OPRM1: variants seen among roughly 807,000 people sequenced by gnomAD.
OPRM1 encodes opioid receptor mu 1.
OPRM1 carries 27 observed loss-of-function variants against 31.8 expected under a neutral mutation model. The observed-to-expected ratio is 0.85, with a 90% CI of 0.63 to 1.17. The LOEUF (loss-of-function observed/expected upper bound fraction) is 1.17, where lower values mean the gene tolerates loss of function less well. Ranked by LOEUF, OPRM1 falls within the 50% of genes most tolerant of loss-of-function variation. The pLI is 0.00. For missense variants in OPRM1, 536 were observed against 511.1 expected (o/e 1.05, Z -0.47); for synonymous variants, 196 against 189.9 (o/e 1.03, Z -0.26).
At chr6:154,170,615 C>A (rs1314105547) in intron 3 of OPRM1, among the ~76,000 whole-genome samples, 1 of 152,242 alleles carries the variant, frequency 6.6e-6, no homozygotes, top group African/African-American at 2.4e-5. Flanking sequence ...AAAACTACAT[C>A]TGAAGACAAT....
In OPRM1 at chr6:154,126,609, G is replaced by A. The variant is rs974237892; in HGVS notation, c.*7888G>A. 6.6e-6 allele frequency among the ~76,000 whole-genome samples: 1 copy of A among 152,114 alleles called. No homozygotes were observed. The highest frequency in any genetic ancestry group is 2.4e-5 in the African/African-American group (1 of 41,404). On this transcript the variant is annotated 3_prime_UTR_variant, in exon 4 of 4. Transcript: ENST00000330432. ...GGTGGCAATGTCACCACCCTACACT[G>A]CTGTGACACCGAAACAACCAAGCCT...
chr6:154,019,914 T>G, intron 1 of OPRM1, among the ~76,000 whole-genome samples: 1 of 151,932 alleles, frequency 6.6e-6, no homozygotes, highest in East Asian at 1.9e-4. Flanking sequence ...TTGTATTTTT[T>G]GTAGAGATGG....
intron 3 of OPRM1, among the ~76,000 whole-genome samples, chr6:154,173,079 G>A (rs184948376): frequency 2.3e-4 from 35 of 152,346 alleles, no homozygotes; most frequent in African/African-American, 8.2e-4. Context: ...TGAGGGTCCT[G>A]TCTGTTACAA....
Position 154,040,686 on chromosome 6 carries a change from C to T in OPRM1, c.290+852C>T, listed in dbSNP as rs142773940. On this transcript the variant is annotated intron_variant, in intron 1 of 3. Coordinates refer to ENST00000330432, the MANE Select transcript of OPRM1 (RefSeq NM_000914.5). ...AAGCATCATAATTCCACATTAGAAA[C>T]TGCAGAAACTCTTATACAGGAAGTT... Among the ~76,000 whole-genome samples the T allele has an allele frequency of 5.7e-3, 864 of 152,300 alleles. 6 individuals carry two copies. Among genetic ancestry groups the T allele is most frequent in the African/African-American group, 0.02 (822 of 41,570 alleles).
intron 3 of OPRM1, among the ~76,000 whole-genome samples, chr6:154,222,779 A>C (rs1031583351): frequency 6.6e-6 from 1 of 152,226 alleles, no homozygotes; most frequent in East Asian, 1.9e-4. Context: ...CCATGAACTA[A>C]GAAAGAAAAG....
intron 3 of OPRM1, among the ~76,000 whole-genome samples, chr6:154,109,792 C>CTCTCTGTGTGTG (rs1358444421): frequency 1.8e-4 from 18 of 101,280 alleles, no homozygotes; most frequent in African/African-American, 6.1e-4. Context: ...CTCTCTCTCT[C>CTCTCTGTGTGTG]TGTGTGTGTG....
rs1213248263 is a variant in OPRM1 at position 154,168,994 on chromosome 6, T to C, written c.1164+77522T>C. On this transcript the variant is annotated intron_variant, in intron 3 of 3. Coordinates refer to the OPRM1 transcript ENST00000337049. This position sits in a 1 kb window ranked among gnomAD's most constrained non-coding sequence, Gnocchi z 4.1. The stretch of plus-strand genomic sequence containing the variant: ...ATTCATGTGTTTCTCACGTGCAATA[T>C]ATTCACCTCATCCCAACAACTCCAA... 2.0e-5 allele frequency among the ~76,000 whole-genome samples: 3 copies of C among 151,982 alleles called. No individual in the cohort carries two copies. The highest frequency in any genetic ancestry group is 4.4e-5 in the Non-Finnish European group (3 of 67,990).
At chr6:154,040,536 G>A (rs778014232) in intron 1 of OPRM1, among the ~76,000 whole-genome samples, 9 of 152,140 alleles carry the variant, frequency 5.9e-5, no homozygotes, top group Non-Finnish European at 1.0e-4. Context: ...CCAGTTTGCC[G>A]TTAGTAGCTT....
chr6:154,063,890 T>G (rs954553958), intron 1 of OPRM1, among the ~76,000 whole-genome samples: 1 of 152,158 alleles, frequency 6.6e-6, no homozygotes, highest in Non-Finnish European at 1.5e-5. Context: ...ATTTGGTTTA[T>G]TTATTCATCT....
rs583664 is a variant in OPRM1 at position 154,120,092 on chromosome 6, T to C, written c.*1371T>C. On this transcript the variant is annotated 3_prime_UTR_variant, in exon 4 of 4. Transcript: ENST00000330432. ...AGAAGCTCTCCATTTTGAACTTTTG[T>C]CAGCATTGATTAAAAGAATCAAATA... 0.2 allele frequency among the ~76,000 whole-genome samples: 29,715 copies of C among 152,158 alleles called. 3,201 individuals carry two copies. Among genetic ancestry groups the C allele is most frequent in the Non-Finnish European group, 0.25 (17,003 of 67,936 alleles).
At chr6:154,226,462 C>G (rs1779260746) in intron 3 of OPRM1, among the ~76,000 whole-genome samples, 1 of 152,122 alleles carries the variant, frequency 6.6e-6, no homozygotes, top group Non-Finnish European at 1.5e-5. Flanking sequence ...CAAAACAGGA[C>G]ATGTGAGAGA....
At chr6:154,061,578 C>T (rs1460523799) in intron 1 of OPRM1, among the ~76,000 whole-genome samples, 1 of 152,044 alleles carries the variant, frequency 6.6e-6, no homozygotes, top group Non-Finnish European at 1.5e-5. Context: ...AACAGAAAAC[C>T]AAATACCACA....
intron 1 of OPRM1, among the ~76,000 whole-genome samples, chr6:154,025,758 T>G (rs1174220521): frequency 6.6e-6 from 1 of 152,096 alleles, no homozygotes; most frequent in Non-Finnish European, 1.5e-5. Flanking sequence ...CTCATTATTT[T>G]AACCTGAAAA....
At chr6:154,082,438 A>G (rs1414338203) in intron 1 of OPRM1, among the ~76,000 whole-genome samples, 3 of 152,224 alleles carry the variant, frequency 2.0e-5, no homozygotes, top group African/African-American at 7.2e-5. Flanking sequence ...TAATTTTACT[A>G]GTAGTCTAAA....
At chr6:154,087,122 G>GT (rs1266553343) in intron 1 of OPRM1, 2 of 985,112 alleles carry the variant, frequency 2.0e-6, no homozygotes, top group East Asian at 2.3e-4. Context: ...AACTCCCAAA[G>GT]TAAGTCCAAA....
Position 154,142,084 on chromosome 6 carries a change from C to T in OPRM1, c.1164+50612C>T, listed in dbSNP as rs550454928. On this transcript the variant is annotated intron_variant, in intron 3 of 3. Coordinates refer to the OPRM1 transcript ENST00000337049. ...AAAGATGCAAATAGCCCAACTCTCACGCTCTGGACCTGTAATCTGTCCCCT... is the reference window on the plus strand; with the variant it reads ...AAAGATGCAAATAGCCCAACTCTCATGCTCTGGACCTGTAATCTGTCCCCT... Among the ~76,000 whole-genome samples, 10 of 145,936 alleles carry T rather than the reference C, an allele frequency of 6.9e-5. No homozygotes were observed. The East Asian group carries it at 1.2e-3, about 18-fold the overall frequency.
intron 3 of OPRM1, among the ~76,000 whole-genome samples, chr6:154,145,723 A>C (rs1414597114): frequency 6.6e-6 from 1 of 152,246 alleles, no homozygotes; most frequent in Non-Finnish European, 1.5e-5. Flanking sequence ...AGTCTGCCCT[A>C]TTTCGATACT....
chr6:154,110,215 T>A lies in OPRM1; in HGVS notation c.1165-8468T>A, dbSNP rs891953204. On this transcript the variant is annotated intron_variant, in intron 3 of 3. Transcript: ENST00000330432. The stretch of plus-strand genomic sequence containing the variant: ...TTTTATTTGGGTTTTCACTTTTGTT[T>A]TACTTTGTTTTCTGGTGATATTACA... 3.7e-5 allele frequency: 20 copies of A among 540,488 alleles called. No individual in the cohort carries two copies. In the Admixed American group the frequency reaches 5.8e-4, roughly 16 times the overall value. The allele number at this position is 540,488 out of a possible 1,614,324, so 33.5% of individuals were successfully genotyped here. A position where few individuals can be genotyped will look rare whatever the true frequency, so the allele number is the denominator to read the frequency against.
intron 3 of OPRM1, among the ~76,000 whole-genome samples, chr6:154,181,725 G>A (rs1800892399): frequency 6.6e-6 from 1 of 152,146 alleles, no homozygotes; most frequent in Non-Finnish European, 1.5e-5. Context: ...TCTCCACAGG[G>A]CCGCAGGGCA....
Sources: allele counts gnomAD v4.1 joint callset (sites outside exome capture counted in the v4.1 genomes callset), GRCh38; gene constraint gnomAD v4.1.1; non-coding constraint Gnocchi (gnomAD v3.1); transcripts MANE v1.5; gene names NCBI Gene and HGNC (gene_info 2026-07-23, HGNC 2026-07-21).